UNC13D: variants seen among roughly 807,000 people sequenced by gnomAD.
UNC13D encodes the protein protein unc-13 homolog D.
Under a neutral mutation model 151.7 loss-of-function variants are expected in UNC13D, and 115 were observed. That is an observed-to-expected ratio of 0.76 (90% CI 0.65 to 0.88). The LOEUF (loss-of-function observed/expected upper bound fraction) is 0.88. UNC13D is among the 40% of genes least tolerant of loss of function. The probability of loss-of-function intolerance (pLI) is 0.00; values close to 1 mark genes in which losing one functional copy is unlikely to be tolerated. For synonymous variants in UNC13D, 588 were observed against 612.2 expected (o/e 0.96, Z 0.58); for missense variants, 1,369 against 1,438.7 (o/e 0.95, Z 0.78).
rs2064901896 is a variant in UNC13D at position 75,835,528 on chromosome 17, C to T, written c.1729G>A (p.Asp577Asn). The T allele has an allele frequency of 6.2e-7, 1 of 1,604,052 alleles. No individual in the cohort carries two copies. The highest frequency in any genetic ancestry group is 1.7e-4 in the Middle Eastern group (1 of 6,016). ...AAATTATCCAGGGCCAGGACTCCAT[C>T]CCTGGGGATTGCCGGGGCTCAGCGT... ...CQLRMSSSER[D>N]GVLALDNFHR... The change falls in exon 20 of 32, where the codon GAT becomes AAT. Residue 577 changes from aspartate to asparagine, a missense_variant and splice_region_variant. By Grantham distance (23) the Asp-to-Asn change is conservative. Around this residue, in one of 3 missense-constraint regions of UNC13D, gnomAD observed 807 missense variants for 795.5 expected, o/e 1.01. Coordinates refer to ENST00000207549, the MANE Select transcript of UNC13D (RefSeq NM_199242.3).
In UNC13D at chr17:75,836,874, G is replaced by A; in HGVS notation, c.1100C>T (p.Pro367Leu). The stretch of plus-strand genomic sequence containing the variant: ...GATGGGGTGCAGGAGGCAGCTGCTG[G>A]GGAACTCCAGGCTCTGGTAGAGGCG... ...YSRLYQSLEFPSSCLLHPITS... is the reference protein window; with the variant it reads ...YSRLYQSLEFLSSCLLHPITS... Residue 367 changes from proline to leucine, a missense_variant, in exon 13 of 32, where the codon CCC (proline) becomes CTC (leucine). Pro to Leu is a moderately conservative substitution (Grantham distance 98, BLOSUM62 -3). Transcript: ENST00000207549. The A allele has an allele frequency of 1.2e-6, 2 of 1,613,786 alleles. No homozygotes were observed. The highest frequency in any genetic ancestry group is 1.7e-6 in the Non-Finnish European group (2 of 1,180,034).
chr17:75,833,002 T>TA lies in UNC13D; in HGVS notation c.2410dup (p.Tyr804LeufsTer57), dbSNP rs2064882659. The TA allele has an allele frequency of 1.2e-6, 2 of 1,602,478 alleles. No homozygotes were observed. ...CTCCTGCACCAAGTTGGTGTTCATG[T>TA]AGCAAAGCTCCACCTCCAGGAACTT... On this transcript the variant is annotated frameshift_variant, in exon 25 of 32. Transcript: ENST00000207549. LOFTEE classifies it high-confidence loss of function. The surrounding 1 kb of genome is among the most constrained non-coding windows in gnomAD (Gnocchi z 4.0).
At position 75,840,597 on chromosome 17, in the gene UNC13D, T is replaced by C; in HGVS notation, c.684-21A>G. 6.2e-7 allele frequency: 1 copy of C among 1,613,836 alleles called. No homozygotes were observed. The highest frequency in any genetic ancestry group is 8.5e-7 in the Non-Finnish European group (1 of 1,179,974). On this transcript the variant is annotated intron_variant, in intron 8 of 31. Coordinates refer to ENST00000207549, the MANE Select transcript of UNC13D (RefSeq NM_199242.3). The surrounding 1 kb of genome is among the most constrained non-coding windows in gnomAD (Gnocchi z 4.6). Reference sequence around the variant, plus strand: ...AGATCCTGCGTCAGGCAGGGTCCCATAAGGGGGACGCAGCAAGGGTCGGAA... The same window carrying C: ...AGATCCTGCGTCAGGCAGGGTCCCACAAGGGGGACGCAGCAAGGGTCGGAA...
At position 75,831,391 on chromosome 17, in the gene UNC13D, G is replaced by A. The variant is rs371047736; in HGVS notation, c.2448-43C>T. On this transcript the variant is annotated intron_variant, in intron 25 of 31. Transcript: ENST00000207549. ...GGATGCGGACACAGCACGGCAGGGC[G>A]GTGGCGGAGGAGGAAGCAAAGACGC... is the stretch of plus-strand genomic sequence containing the variant. 375 of 1,564,930 alleles carry A rather than the reference G, an allele frequency of 2.4e-4. 13 individuals carry two copies. The South Asian group carries it at 4.1e-3, about 17-fold the overall frequency.
At position 75,827,782 on chromosome 17, in the gene UNC13D, C is replaced by T; in HGVS notation, c.*183G>A. On this transcript the variant is annotated 3_prime_UTR_variant, in exon 32 of 32. Transcript: ENST00000207549. ...CAGGGAGGCGGGAGTAGAGATGTCG[C>T]TGCTGAGCCCCCATCACCATGGGAG... is the stretch of plus-strand genomic sequence containing the variant. 6.8e-7 allele frequency: 1 copy of T among 1,479,054 alleles called. No homozygotes were observed. The highest frequency in any genetic ancestry group is 9.0e-7 in the Non-Finnish European group (1 of 1,114,162). 91.6% of individuals were successfully genotyped at this position (1,479,054 alleles called of 1,614,324 possible). A position where few individuals can be genotyped will look rare whatever the true frequency, so the allele number is the denominator to read the frequency against.
intron 12 of UNC13D, among the ~76,000 whole-genome samples, chr17:75,839,562 T>A (rs1188457607): frequency 6.6e-6 from 1 of 151,642 alleles, no homozygotes; most frequent in Non-Finnish European, 1.5e-5. Flanking sequence ...CGGGCAGGAG[T>A]GTTGGTGTGA....
chr17:75,827,625 T>A lies in UNC13D; in HGVS notation c.*340A>T, dbSNP rs1220814954. On this transcript the variant is annotated 3_prime_UTR_variant, in exon 32 of 32. Coordinates refer to ENST00000207549, the MANE Select transcript of UNC13D (RefSeq NM_199242.3). ...TGGAACAGGAAGGCCAGGAGGCAGA[T>A]GGGCCAGGGCCAGGAGACAGATGGC... 1.0e-5 allele frequency: 16 copies of A among 1,535,366 alleles called. No individual in the cohort carries two copies. The highest frequency in any genetic ancestry group is 3.9e-5 in the Admixed American group (2 of 50,990).
Position 75,828,777 on chromosome 17 carries a change from T to C in UNC13D, c.3151+10A>G. On this transcript the variant is annotated intron_variant, in intron 31 of 31. Coordinates refer to ENST00000207549, the MANE Select transcript of UNC13D (RefSeq NM_199242.3). The stretch of plus-strand genomic sequence containing the variant: ...GTCCCCGCACCACCCTGCCCTGGGC[T>C]CAGGCCTACCGTTGGGTGCGGGGTA... 6.5e-7 allele frequency: 1 copy of C among 1,529,024 alleles called. No homozygotes were observed. The highest frequency in any genetic ancestry group is 8.8e-7 in the Non-Finnish European group (1 of 1,137,204). The allele number at this position is 1,529,024 out of a possible 1,614,324, so 94.7% of individuals were successfully genotyped here. A position where few individuals can be genotyped will look rare whatever the true frequency, so the allele number is the denominator to read the frequency against.
At chr17:75,839,811 G>A (rs775736948) in intron 12 of UNC13D, 28 bp downstream of exon 12, 19 of 1,611,482 alleles carry the variant, frequency 1.2e-5, no homozygotes, top group Non-Finnish European at 1.4e-5. Flanking sequence ...TGGTGGCTCA[G>A]GGGTTCTGCC....
chr17:75,830,410 G>T lies in UNC13D; in HGVS notation c.2782C>A (p.Arg928Ser), dbSNP rs35037984. 6.3e-7 allele frequency: 1 copy of T among 1,588,322 alleles called. No homozygotes were observed. Residue 928 changes from arginine to serine, a missense_variant, in exon 29 of 32, where the codon CGT (arginine) becomes AGT (serine). Physicochemically the swap from Arg to Ser is moderately radical, Grantham distance 110. This residue lies in a region of UNC13D where 807 missense variants were observed against 795.5 expected (regional missense o/e 1.01). Transcript: ENST00000207549. ...CTGGAGGCGCTGAGCAGCTCCACAC[G>T]CAGCTTCTGCTCAGAGGCGCGGTAG... ...ASYRASEQKL[R>S]VELLSASSLL...
chr17:75,841,294 G>A (rs573129466), intron 6 of UNC13D: 13 of 398,816 alleles, frequency 3.3e-5, no homozygotes, highest in East Asian at 5.2e-5. Flanking sequence ...ACAGGTGCCC[G>A]CCACCACACC....
In UNC13D at chr17:75,830,638, C is replaced by T; in HGVS notation, c.2649G>A (p.Leu883=). 1.3e-6 allele frequency: 2 copies of T among 1,555,404 alleles called. No homozygotes were observed. Among genetic ancestry groups the T allele is most frequent in the Non-Finnish European group, 1.7e-6 (2 of 1,149,796 alleles). The change falls in exon 28 of 32, where the codon CTG becomes CTA. Residue 883 remains leucine (L), a synonymous_variant. Coordinates refer to ENST00000207549, the MANE Select transcript of UNC13D (RefSeq NM_199242.3). ...TGAGTTCCCGGCTGGAGGCCGCCTG[C>T]AGCTCCAGGTCCCTCTGCAGAGCCT... The part of the protein sequence containing the change: ...TFQALQRDLE[L]QAASSRELIR...
At chr17:75,843,643 G>A (rs1224179350) in intron 1 of UNC13D, 124 bp from the exon 2 acceptor site, 3 of 1,519,262 alleles carry the variant, frequency 2.0e-6, no homozygotes, top group Admixed American at 2.0e-5. Context: ...CCGGCCTCCA[G>A]CCCCAGTGAT....
intron 24 of UNC13D, 47 bp downstream of exon 24, chr17:75,834,028 C>T: frequency 1.9e-6 from 3 of 1,604,860 alleles, no homozygotes; most frequent in Non-Finnish European, 2.6e-6. Context: ...CCCAGATCTA[C>T]AGAGCTGGCA....
intron 12 of UNC13D, among the ~76,000 whole-genome samples, chr17:75,837,937 TGGACACTGCA>T (rs1431953102): frequency 6.6e-6 from 1 of 152,126 alleles, no homozygotes; most frequent in Non-Finnish European, 1.5e-5. Flanking sequence ...AAGTCCCTAT[TGGACACTGCA>T]GCCACCTGCA....
At chr17:75,839,707 A>C in intron 12 of UNC13D, 132 bp downstream of exon 12, 2 of 1,024,948 alleles carry the variant, frequency 2.0e-6, no homozygotes, top group South Asian at 2.7e-5. Flanking sequence ...CAACTGATTC[A>C]AAACTTAAAA....
rs1231651604 is a variant in UNC13D at position 75,840,369 on chromosome 17, T to A, written c.754-40A>T. On this transcript the variant is annotated intron_variant, in intron 9 of 31. Coordinates refer to ENST00000207549, the MANE Select transcript of UNC13D (RefSeq NM_199242.3). This position sits in a 1 kb window ranked among gnomAD's most constrained non-coding sequence, Gnocchi z 4.6. ...TGCCCAGCCCGTGAGCGTCAGAACCTCATAGAGTCGGGGCAGCGGAGGCGA... is the reference window on the plus strand; with the variant it reads ...TGCCCAGCCCGTGAGCGTCAGAACCACATAGAGTCGGGGCAGCGGAGGCGA... 6.2e-7 allele frequency: 1 copy of A among 1,610,134 alleles called. No homozygotes were observed. Among genetic ancestry groups the A allele is most frequent in the East Asian group, 2.2e-5 (1 of 44,840 alleles).
chr17:75,842,431 A>T lies in UNC13D; in HGVS notation c.569+2T>A. 6.2e-7 allele frequency: 1 copy of T among 1,610,588 alleles called. No homozygotes were observed. The highest frequency in any genetic ancestry group is 8.5e-7 in the Non-Finnish European group (1 of 1,177,928). On this transcript the variant is annotated splice_donor_variant, in intron 6 of 31. Coordinates refer to ENST00000207549, the MANE Select transcript of UNC13D (RefSeq NM_199242.3). LOFTEE classifies it high-confidence loss of function. ...AGTGGGGGCTGGAGCACGGCCACGT[A>T]CAGGATGAAGGTCTCGTCCCAGACG... is the stretch of plus-strand genomic sequence containing the variant.
rs2064872551 is a variant in UNC13D at position 75,831,487 on chromosome 17, C to T, written c.2448-139G>A. The T allele has an allele frequency of 9.5e-6, 7 of 739,840 alleles. No individual in the cohort carries two copies. The South Asian group carries it at 1.2e-4, about 13-fold the overall frequency. The allele number at this position is 739,840 out of a possible 1,614,324, so 45.8% of individuals were successfully genotyped here. On this transcript the variant is annotated intron_variant, in intron 25 of 31. Transcript: ENST00000207549. ...CTCCCACCCCCAACCTCCCCCTCCG[C>T]CTCCCACCCCAGGTGAGGCTGGGGA...
Sources: allele counts gnomAD v4.1 joint callset (sites outside exome capture counted in the v4.1 genomes callset), GRCh38; gene constraint gnomAD v4.1.1; regional missense constraint gnomAD v4.1.1; non-coding constraint Gnocchi (gnomAD v3.1); transcripts MANE v1.5; gene names NCBI Gene and HGNC (gene_info 2026-07-23, HGNC 2026-07-21).